Variants in AGO1 observed in about 807,000 individuals in gnomAD.
AGO1 encodes the protein argonaute RISC component 1.
Under a neutral mutation model 109.2 loss-of-function variants are expected in AGO1, and 11 were observed. The ratio of observed to expected loss-of-function variants is 0.10; its 90% CI spans 0.06 to 0.17. The LOEUF is 0.17. Ranked by LOEUF, AGO1 falls within the 10% of genes least tolerant of loss-of-function variation. AGO1 has a pLI of 1.00. For missense variants in AGO1, 574 were observed against 1,140.3 expected, an observed-to-expected ratio of 0.50 and a Z score of 7.15; for synonymous variants, 422 against 418.6, an observed-to-expected ratio of 1.01 and a Z score of -0.10.
Position 35,919,281 on chromosome 1 carries a change from C to CT in AGO1, c.2465+32dup, listed in dbSNP as rs778716598. On this transcript the variant is annotated intron_variant, in intron 18 of 18. Transcript: ENST00000373204. This position sits in a 1 kb window ranked among gnomAD's most constrained non-coding sequence, Gnocchi z 6.6. ...TGAGGCCTGGGATCAGGTTGGCCTC[C>CT]TTTTTGCTTCAGCCTATTGTGCCAG... The CT allele has an allele frequency of 8.1e-6, 13 of 1,602,278 alleles. No individual in the cohort carries two copies. The East Asian group carries it at 2.9e-4, about 36-fold the overall frequency.
chr1:35,914,372 C>A, intron 14 of AGO1, 98 bp downstream of exon 14: 2 of 954,836 alleles, frequency 2.1e-6, no homozygotes, highest in Non-Finnish European at 3.3e-6. Flanking sequence ...GGCTCTTGAG[C>A]CTTCATAAGA....
intron 15 of AGO1, among the ~76,000 whole-genome samples, chr1:35,916,648 G>A (rs1382038941): frequency 6.6e-6 from 1 of 152,208 alleles, no homozygotes; most frequent in African/African-American, 2.4e-5. Flanking sequence ...AAATACAGGC[G>A]TGAGCCACCG....
At chr1:35,907,700 T>C (rs1419691397) in intron 12 of AGO1, among the ~76,000 whole-genome samples, 1 of 152,212 alleles carries the variant, frequency 6.6e-6, no homozygotes, top group Admixed American at 6.5e-5. Flanking sequence ...TGTGCTCTTA[T>C]TCCCAACCCA....
In AGO1 at chr1:35,893,501, G is replaced by A; in HGVS notation, c.513-173G>A. 4.8e-6 allele frequency: 4 copies of A among 835,050 alleles called. No individual in the cohort carries two copies. Among genetic ancestry groups the A allele is most frequent in the South Asian group, 1.8e-5 (1 of 54,372 alleles). 51.7% of individuals were successfully genotyped at this position (835,050 alleles called of 1,614,324 possible). Reference sequence around the variant, plus strand: ...GCCTCATCCCATCTGTCCCTGCAGGGCAGAGAGAAGGTAGAAACTTGTACA... The same window carrying A: ...GCCTCATCCCATCTGTCCCTGCAGGACAGAGAGAAGGTAGAAACTTGTACA... On this transcript the variant is annotated intron_variant, in intron 4 of 18. Coordinates refer to ENST00000373204, the MANE Select transcript of AGO1 (RefSeq NM_012199.5). The surrounding 1 kb of genome is among the most constrained non-coding windows in gnomAD (Gnocchi z 5.6).
chr1:35,883,365 C>T lies in AGO1; in HGVS notation c.-57C>T. ...CAGCGAGAGTGTGGGGTACCTAGGCCCCTCACGCTGGACTTCACAGTCTCC... is the reference window on the plus strand; with the variant it reads ...CAGCGAGAGTGTGGGGTACCTAGGCTCCTCACGCTGGACTTCACAGTCTCC... On this transcript the variant is annotated 5_prime_UTR_variant, in exon 1 of 19. Transcript: ENST00000373204. This position sits in a 1 kb window ranked among gnomAD's most constrained non-coding sequence, Gnocchi z 5.4. 2 of 1,581,244 alleles carry T rather than the reference C, an allele frequency of 1.3e-6. No homozygotes were observed. Among genetic ancestry groups the T allele is most frequent in the Non-Finnish European group, 1.7e-6 (2 of 1,166,002 alleles).
chr1:35,906,968 G>T lies in AGO1; in HGVS notation c.1431G>T (p.Lys477Asn). ...NFTDQLRKIS[K>N]DAGMPIQGQP... Reference sequence around the variant, plus strand: ...CAGACCAGCTGCGGAAGATTTCCAAGGATGCGGGGATGCCTATCCAGGGTC... The same window carrying T: ...CAGACCAGCTGCGGAAGATTTCCAATGATGCGGGGATGCCTATCCAGGGTC... Residue 477 changes from lysine to asparagine, a missense_variant, in exon 12 of 19, where the codon AAG (lysine) becomes AAT (asparagine). Lys to Asn is a moderately conservative substitution (Grantham distance 94). Transcript: ENST00000373204. 1 of 1,613,958 alleles carries T rather than the reference G, an allele frequency of 6.2e-7. No homozygotes were observed. The highest frequency in any genetic ancestry group is 8.5e-7 in the Non-Finnish European group (1 of 1,179,886).
upstream of AGO1, chr1:35,882,773 T>C (rs896842184): frequency 1.8e-5 from 18 of 982,572 alleles, no homozygotes; most frequent in African/African-American, 3.5e-5. This position sits in a 1 kb window ranked among gnomAD's most constrained non-coding sequence, Gnocchi z 5.1. Flanking sequence ...AAAGACTTCG[T>C]GGAGGCAGTC....
At chr1:35,892,958 A>G in intron 3 of AGO1, 139 bp from the exon 4 acceptor site, 9 of 961,864 alleles carry the variant, frequency 9.4e-6, no homozygotes, top group Non-Finnish European at 1.2e-5. Context: ...GCTAGAACCT[A>G]AGGGGCTAGA....
chr1:35,906,955 G>A lies in AGO1; in HGVS notation c.1418G>A (p.Arg473Gln), dbSNP rs761121371. 1.2e-6 allele frequency: 2 copies of A among 1,613,382 alleles called. No homozygotes were observed. Among genetic ancestry groups the A allele is most frequent in the Non-Finnish European group, 1.7e-6 (2 of 1,179,546 alleles). The change falls in exon 12 of 19, where the codon CGG becomes CAG. Residue 473 changes from arginine to glutamine, a missense_variant. Arg to Gln is a conservative substitution (Grantham distance 43). This residue lies in a region of AGO1 where 106 missense variants were observed against 147.8 expected (regional missense o/e 0.72). Coordinates refer to ENST00000373204, the MANE Select transcript of AGO1 (RefSeq NM_012199.5). ...EVLKNFTDQLRKISKDAGMPI... is the reference protein window; with the variant it reads ...EVLKNFTDQLQKISKDAGMPI... ...TACAGGAACTTCACAGACCAGCTGC[G>A]GAAGATTTCCAAGGATGCGGGGATG...
At position 35,919,906 on chromosome 1, in the gene AGO1, G is replaced by A. The variant is rs1360308850; in HGVS notation, c.*299G>A. ...ACTGGTGCCCACCATACACACAGGTGTCTCATGTGACTCACAGTGCTAAAG... is the reference window on the plus strand; with the variant it reads ...ACTGGTGCCCACCATACACACAGGTATCTCATGTGACTCACAGTGCTAAAG... On this transcript the variant is annotated 3_prime_UTR_variant, in exon 19 of 19. Coordinates refer to ENST00000373204, the MANE Select transcript of AGO1 (RefSeq NM_012199.5). The surrounding 1 kb of genome is among the most constrained non-coding windows in gnomAD (Gnocchi z 6.6). 3 of 346,008 alleles carry A rather than the reference G, an allele frequency of 8.7e-6. No homozygotes were observed. The allele number at this position is 346,008 out of a possible 1,614,324, so 21.4% of individuals were successfully genotyped here.
chr1:35,883,038 G>T (rs1645053459), upstream of AGO1, among the ~76,000 whole-genome samples: 1 of 152,208 alleles, frequency 6.6e-6, no homozygotes, highest in Non-Finnish European at 1.5e-5. This position sits in a 1 kb window ranked among gnomAD's most constrained non-coding sequence, Gnocchi z 5.4. Context: ...CGGTTCCAAG[G>T]CACCTCTACT....
chr1:35,909,742 A>G (rs1323487292), intron 12 of AGO1, among the ~76,000 whole-genome samples: 2 of 152,118 alleles, frequency 1.3e-5, no homozygotes, highest in Admixed American at 6.6e-5. Context: ...TCCTCTCTAT[A>G]TACACACCTA....
At position 35,888,730 on chromosome 1, in the gene AGO1, C is replaced by T. The variant is rs907127403; in HGVS notation, c.209+120C>T. On this transcript the variant is annotated intron_variant, in intron 2 of 18. Transcript: ENST00000373204. The surrounding 1 kb of genome is among the most constrained non-coding windows in gnomAD (Gnocchi z 4.1). ...CACCAAATCTAAGGAAGTTTTTGAA[C>T]GGGAGATGCCACGTCGGGTAAATGC... is the stretch of plus-strand genomic sequence containing the variant. The T allele has an allele frequency of 2.4e-5, 26 of 1,076,632 alleles. No homozygotes were observed. Among genetic ancestry groups the T allele is most frequent in the Middle Eastern group, 4.6e-4 (2 of 4,390 alleles). The allele number at this position is 1,076,632 out of a possible 1,614,324, so 66.7% of individuals were successfully genotyped here. A position where few individuals can be genotyped will look rare whatever the true frequency, so the allele number is the denominator to read the frequency against.
chr1:35,902,483 C>T, intron 11 of AGO1, 146 bp downstream of exon 11: 2 of 1,121,476 alleles, frequency 1.8e-6, no homozygotes, highest in Non-Finnish European at 2.4e-6. Context: ...AAACTTCTAC[C>T]AATTCTTTTT....
intron 11 of AGO1, among the ~76,000 whole-genome samples, chr1:35,905,111 C>A (rs1288360556): frequency 6.6e-6 from 1 of 152,170 alleles, no homozygotes; most frequent in Non-Finnish European, 1.5e-5. Flanking sequence ...GCATTGGACA[C>A]AGTATTCCAA....
intron 2 of AGO1, among the ~76,000 whole-genome samples, chr1:35,889,566 A>T (rs1645180097): frequency 1.3e-5 from 2 of 152,094 alleles, no homozygotes; most frequent in South Asian, 2.1e-4. Context: ...GTATAATATT[A>T]AAAAATTCAA....
rs10159166 is a variant in AGO1, at chr1:35,923,685, C to T, written c.*4078C>T. ...TCCGACTTAATAGGACTTGCCTTCT[C>T]CCTGGGCAGGGAGAGAGGCTGGGTT... On this transcript the variant is annotated 3_prime_UTR_variant, in exon 19 of 19. Transcript: ENST00000373204. The T allele has an allele frequency of 6.6e-6, 1 of 152,598 alleles. No homozygotes were observed. Among genetic ancestry groups the T allele is most frequent in the East Asian group, 1.9e-4 (1 of 5,192 alleles). 9.5% of individuals were successfully genotyped at this position (152,598 alleles called of 1,614,324 possible).
Position 35,901,718 on chromosome 1 carries a change from C to G in AGO1, c.1140+125C>G. 6.8e-7 allele frequency: 1 copy of G among 1,467,592 alleles called. No individual in the cohort carries two copies. Among genetic ancestry groups the G allele is most frequent in the Non-Finnish European group, 9.2e-7 (1 of 1,082,056 alleles). The allele number at this position is 1,467,592 out of a possible 1,614,324, so 90.9% of individuals were successfully genotyped here. On this transcript the variant is annotated intron_variant, in intron 9 of 18. Coordinates refer to ENST00000373204, the MANE Select transcript of AGO1 (RefSeq NM_012199.5). This position sits in a 1 kb window ranked among gnomAD's most constrained non-coding sequence, Gnocchi z 4.8. ...ATTTGTTGCCTAGGACTGTATAAGG[C>G]TGCTTTTGCTTCTTGACCGTATAGC...
intron 11 of AGO1, among the ~76,000 whole-genome samples, chr1:35,904,584 A>C (rs1172382294): frequency 2.0e-5 from 3 of 151,966 alleles, no homozygotes; most frequent in Non-Finnish European, 4.4e-5. Context: ...TGTTTTGGCC[A>C]TTTGGGGTAT....
Sources: gnomAD v4.1 joint callset for allele counts (sites outside exome capture counted in the v4.1 genomes callset) on GRCh38, gnomAD v4.1.1 for gene constraint, gnomAD v4.1.1 regional missense constraint, Gnocchi (gnomAD v3.1) non-coding constraint, MANE v1.5 for transcripts, NCBI Gene and HGNC (gene_info 2026-07-23, HGNC 2026-07-21) for gene names.